Variants in PPP4R4 observed in about 807,000 individuals in gnomAD.
The protein encoded by PPP4R4 is serine/threonine-protein phosphatase 4 regulatory subunit 4.
A neutral mutation model predicts 121.8 loss-of-function variants in PPP4R4; 70 were observed. The observed-to-expected ratio is 0.57, with a 90% CI of 0.47 to 0.70. The LOEUF (loss-of-function observed/expected upper bound fraction) is 0.70, where lower values mean the gene tolerates loss of function less well. Ranked by LOEUF, PPP4R4 falls within the 30% of genes least tolerant of loss-of-function variation. PPP4R4 has a pLI of 0.00. For synonymous variants in PPP4R4, 348 were observed against 355.7 expected (o/e 0.98, Z 0.24); for missense variants, 875 against 1,033.6 (o/e 0.85, Z 2.10).
rs1333532669 is a variant in PPP4R4, at chr14:94,250,225, T to C, written c.1665T>C (p.Arg555=). 6.2e-7 allele frequency: 1 copy of C among 1,612,506 alleles called. No individual in the cohort carries two copies. The highest frequency in any genetic ancestry group is 8.5e-7 in the Non-Finnish European group (1 of 1,178,896). The change falls in exon 15 of 25, where the codon CGT becomes CGC. Residue 555 remains arginine (R), a synonymous_variant. Coordinates refer to ENST00000304338, the MANE Select transcript of PPP4R4 (RefSeq NM_058237.2). The stretch of plus-strand genomic sequence containing the variant: ...CACGAACTCTATGCATTTTTCTGCG[T>C]TATAATCGTAAACAAGAACAGAGAC... ...AASRTLCIFL[R]YNRKQEQRHE...
intron 2 of PPP4R4, among the ~76,000 whole-genome samples, chr14:94,179,115 G>C (rs1189586246): frequency 1.4e-5 from 2 of 147,008 alleles, no homozygotes; most frequent in Non-Finnish European, 3.0e-5. Flanking sequence ...AAACTGTACA[G>C]TTAAGTGAGT....
At chr14:94,192,183 G>A (rs562928691) in intron 2 of PPP4R4, among the ~76,000 whole-genome samples, 1 of 151,924 alleles carries the variant, frequency 6.6e-6, no homozygotes, top group East Asian at 1.9e-4. Context: ...ACTATAATCA[G>A]GTTTGAATGG....
chr14:94,252,735 T>C (rs1243031466), intron 16 of PPP4R4, among the ~76,000 whole-genome samples: 1 of 152,214 alleles, frequency 6.6e-6, no homozygotes, highest in African/African-American at 2.4e-5. Flanking sequence ...TCAGAGTCAG[T>C]TGGCCAAAGG....
rs534539025 is a variant in PPP4R4 at position 94,181,428 on chromosome 14, T to C, written c.191+5301T>C. On this transcript the variant is annotated intron_variant, in intron 2 of 24. Coordinates refer to ENST00000304338, the MANE Select transcript of PPP4R4 (RefSeq NM_058237.2). ...ATAGTTGGTTAGTTAATACAAACAATTGGCTAGAATCATAAAATCACAAAT... is the reference window on the plus strand; with the variant it reads ...ATAGTTGGTTAGTTAATACAAACAACTGGCTAGAATCATAAAATCACAAAT... 2.6e-5 allele frequency among the ~76,000 whole-genome samples: 4 copies of C among 152,342 alleles called. No individual in the cohort carries two copies. The South Asian group carries it at 8.3e-4, about 32-fold the overall frequency.
intron 3 of PPP4R4, among the ~76,000 whole-genome samples, chr14:94,210,676 G>C (rs1021409406): frequency 6.6e-6 from 1 of 152,150 alleles, no homozygotes; most frequent in African/African-American, 2.4e-5. Context: ...GGAAGGTCTA[G>C]TGACCATGGA....
chr14:94,196,506 G>A (rs1889883851), intron 2 of PPP4R4, among the ~76,000 whole-genome samples: 1 of 151,746 alleles, frequency 6.6e-6, no homozygotes, highest in Non-Finnish European at 1.5e-5. Flanking sequence ...TAGAGACGGG[G>A]TTTCACCATG....
chr14:94,256,806 G>C (rs1470896407), intron 17 of PPP4R4, among the ~76,000 whole-genome samples: 1 of 152,134 alleles, frequency 6.6e-6, no homozygotes, highest in Non-Finnish European at 1.5e-5. Flanking sequence ...CATTAAACCT[G>C]TATTACTAGT....
At chr14:94,210,446 A>G (rs2139456107) in intron 3 of PPP4R4, among the ~76,000 whole-genome samples, 1 of 152,124 alleles carries the variant, frequency 6.6e-6, no homozygotes, top group South Asian at 2.1e-4. Flanking sequence ...AAGTAATGAA[A>G]ATTAATCCAT....
rs1891970633 is a variant in PPP4R4 at position 94,230,643 on chromosome 14, G to A, written c.351G>A (p.Leu117=). 6.2e-7 allele frequency: 1 copy of A among 1,612,904 alleles called. No individual in the cohort carries two copies. The change falls in exon 4 of 25, where the codon CTG becomes CTA. Residue 117 remains leucine, a synonymous_variant. Coordinates refer to ENST00000304338, the MANE Select transcript of PPP4R4 (RefSeq NM_058237.2). ...AGTTAACGGCTGCGATGTCATTTCTGACCATTCTGCAGGACGAATCAGTGT... is the reference window on the plus strand; with the variant it reads ...AGTTAACGGCTGCGATGTCATTTCTAACCATTCTGCAGGACGAATCAGTGT... ...EMQLTAAMSF[L]TILQDESVSI... is the part of the protein sequence containing the mutation.
intron 2 of PPP4R4, among the ~76,000 whole-genome samples, chr14:94,201,377 C>T (rs1890169404): frequency 6.6e-6 from 1 of 151,998 alleles, no homozygotes; most frequent in Non-Finnish European, 1.5e-5. Context: ...CCATTGTTGC[C>T]TTGTTGACTT....
intron 10 of PPP4R4, 116 bp from the exon 11 acceptor site, chr14:94,242,169 TTTAG>T: frequency 1.5e-6 from 2 of 1,316,094 alleles, no homozygotes; most frequent in Non-Finnish European, 2.1e-6. Flanking sequence ...AAATATGATT[TTTAG>T]TTAAATTACA....
chr14:94,183,645 T>A (rs1204804111), intron 2 of PPP4R4, among the ~76,000 whole-genome samples: 2 of 152,248 alleles, frequency 1.3e-5, no homozygotes, highest in Non-Finnish European at 2.9e-5. Flanking sequence ...CAGAATGCTC[T>A]CATGGGATCT....
intron 16 of PPP4R4, among the ~76,000 whole-genome samples, chr14:94,252,497 CT>C (rs961402926): frequency 6.6e-6 from 1 of 150,932 alleles, no homozygotes; most frequent in African/African-American, 2.4e-5. Context: ...ACATCACTTC[CT>C]TTTTTTTTAC....
intron 2 of PPP4R4, among the ~76,000 whole-genome samples, chr14:94,207,524 TTA>T (rs1459533442): frequency 3.9e-5 from 6 of 152,088 alleles, no homozygotes; most frequent in African/African-American, 1.4e-4. Context: ...TATTAAAGTC[TTA>T]TGTACGTATA....
chr14:94,202,437 A>G (rs1290944285), intron 2 of PPP4R4, among the ~76,000 whole-genome samples: 1 of 152,226 alleles, frequency 6.6e-6, no homozygotes, highest in Non-Finnish European at 1.5e-5. Context: ...AAAATAAAGA[A>G]GTGGTAATGG....
At chr14:94,269,732 G>A (rs1037400898) in intron 23 of PPP4R4, among the ~76,000 whole-genome samples, 1 of 152,044 alleles carries the variant, frequency 6.6e-6, no homozygotes, top group African/African-American at 2.4e-5. Context: ...TCAGAGCTTG[G>A]AATGCCAGAT....
chr14:94,180,742 A>AGCTGGGACTACAGAAGGCACAC (rs1469243525), intron 2 of PPP4R4, among the ~76,000 whole-genome samples: 2 of 152,022 alleles, frequency 1.3e-5, no homozygotes, highest in East Asian at 3.9e-4. Flanking sequence ...CTTTCTGAAT[A>AGCTGGGACTACAGAAGGCACAC]GCTGGGACTA....
chr14:94,174,992 G>A (rs1888597109), intron 1 of PPP4R4, among the ~76,000 whole-genome samples: 2 of 94,678 alleles, frequency 2.1e-5, no homozygotes, highest in Admixed American at 1.5e-4. Context: ...CCCCAAAGGA[G>A]CTGCCCCTCG....
chr14:94,181,908 T>C (rs1241368801), intron 2 of PPP4R4, among the ~76,000 whole-genome samples: 1 of 152,254 alleles, frequency 6.6e-6, no homozygotes, highest in Non-Finnish European at 1.5e-5. Context: ...TTTGAGAACA[T>C]ACTTAGCTGA....
Sources: allele counts gnomAD v4.1 joint callset (sites outside exome capture counted in the v4.1 genomes callset), GRCh38; gene constraint gnomAD v4.1.1; transcripts MANE v1.5; gene names NCBI Gene and HGNC (gene_info 2026-07-23, HGNC 2026-07-21).